Variants in CDH11 observed in about 807,000 individuals in gnomAD.
The protein encoded by CDH11 is cadherin 11.
A neutral mutation model predicts 67.8 loss-of-function variants in CDH11; 11 were observed. The ratio of observed to expected loss-of-function variants is 0.16; its 90% CI spans 0.10 to 0.27. The LOEUF (loss-of-function observed/expected upper bound fraction) is 0.27, where lower values mean the gene tolerates loss of function less well. Ranked by LOEUF, CDH11 falls within the 10% of genes least tolerant of loss-of-function variation. CDH11 has a pLI of 1.00. For synonymous variants in CDH11, 419 were observed against 400.0 expected (o/e 1.05, Z -0.57); for missense variants, 847 against 1,031.2 (o/e 0.82, Z 2.45).
chr16:65,013,289 A>G (rs761407831), intron 2 of CDH11, among the ~76,000 whole-genome samples: 14 of 152,288 alleles, frequency 9.2e-5, no homozygotes, highest in Non-Finnish European at 1.6e-4. Flanking sequence ...AGTATTAGGA[A>G]TCAGGACTTT....
intron 2 of CDH11, among the ~76,000 whole-genome samples, chr16:65,007,268 A>G (rs1409539482): frequency 1.3e-5 from 2 of 152,158 alleles, no homozygotes; most frequent in Non-Finnish European, 2.9e-5. Flanking sequence ...AAGCCTGGTG[A>G]CTGTCACTTT....
rs1343891261 is a variant in CDH11 at position 65,004,815 on chromosome 16, G to A, written c.55C>T (p.His19Tyr). Residue 19 changes from histidine (H) to tyrosine (Y), a missense_variant, in exon 3 of 13, where the codon CAC becomes TAC. This residue lies in a region of CDH11 where 235 missense variants were observed against 352.5 expected (regional missense o/e 0.67). Transcript: ENST00000268603. ...AALVCLGMLC[H>Y]SHAFAPERRG... ...CGCTCTGGGGCAAAGGCATGGCTGT[G>A]GCACAGCATGCCCAGGCACACCAGG... The A allele has an allele frequency of 6.3e-7, 1 of 1,588,988 alleles. No homozygotes were observed. Among genetic ancestry groups the A allele is most frequent in the African/African-American group, 1.3e-5 (1 of 74,284 alleles).
intron 2 of CDH11, among the ~76,000 whole-genome samples, chr16:65,044,547 A>C (rs561557584): frequency 6.6e-6 from 1 of 152,198 alleles, no homozygotes; most frequent in African/African-American, 2.4e-5. Flanking sequence ...GGCACTCTCT[A>C]TACAGAAGGA....
chr16:64,956,985 A>G (rs749710777), intron 11 of CDH11, among the ~76,000 whole-genome samples: 1 of 152,168 alleles, frequency 6.6e-6, no homozygotes. Flanking sequence ...AAATAAAAAT[A>G]AAAAAGGAAA....
At chr16:65,018,408 A>C (rs180779877) in intron 2 of CDH11, among the ~76,000 whole-genome samples, 26 of 152,300 alleles carry the variant, frequency 1.7e-4, no homozygotes, top group Middle Eastern at 3.4e-3. Context: ...TTGTCTGGTT[A>C]CAAAAAAATT....
chr16:64,946,591 G>T lies in CDH11; in HGVS notation c.*1012C>A. 9.7e-7 allele frequency: 1 copy of T among 1,033,174 alleles called. No individual in the cohort carries two copies. Among genetic ancestry groups the T allele is most frequent in the Non-Finnish European group, 1.2e-6 (1 of 858,778 alleles). 64.0% of individuals were successfully genotyped at this position (1,033,174 alleles called of 1,614,324 possible). A position where few individuals can be genotyped will look rare whatever the true frequency, so the allele number is the denominator to read the frequency against. On this transcript the variant is annotated 3_prime_UTR_variant, in exon 13 of 13. Coordinates refer to ENST00000268603, the MANE Select transcript of CDH11 (RefSeq NM_001797.4). ...AAGAATGTACAAAAAAGCTTTACATGATGTTACAGAATCTTGTCTGAAAAA... is the reference window on the plus strand; with the variant it reads ...AAGAATGTACAAAAAAGCTTTACATTATGTTACAGAATCTTGTCTGAAAAA...
upstream of CDH11, chr16:65,122,116 GCGGGCAGGCGGGTGCGGGGC>G: frequency 2.3e-5 from 12 of 526,186 alleles, no homozygotes; most frequent in East Asian, 3.8e-5. Context: ...GAGGTGGCGG[GCGGGCAGGCGGGTGCGGGGC>G]GGGGGGGGCG....
chr16:65,004,673 T>C lies in CDH11; in HGVS notation c.197A>G (p.Tyr66Cys). 6.2e-7 allele frequency: 1 copy of C among 1,613,670 alleles called. No homozygotes were observed. The highest frequency in any genetic ancestry group is 8.5e-7 in the Non-Finnish European group (1 of 1,179,970). The change falls in exon 3 of 13, where the codon TAC becomes TGC. Residue 66 changes from tyrosine to cysteine, a missense_variant. Coordinates refer to ENST00000268603, the MANE Select transcript of CDH11 (RefSeq NM_001797.4). Reference sequence around the variant, plus strand: ...CACAAGCACGGGGTCAGGCCCGGTGTACTCCTCTATCACGAAGAACTGGTT... The same window carrying C: ...CACAAGCACGGGGTCAGGCCCGGTGCACTCCTCTATCACGAAGAACTGGTT... ...VWNQFFVIEE[Y>C]TGPDPVLVGR...
intron 6 of CDH11, among the ~76,000 whole-genome samples, chr16:64,989,358 A>G (rs187518372): frequency 5.3e-4 from 80 of 152,214 alleles, no homozygotes; most frequent in Non-Finnish European, 9.1e-4. Context: ...AGTGTGATTG[A>G]ACACGCATGC....
chr16:65,086,638 C>G (rs2074703683), intron 1 of CDH11, among the ~76,000 whole-genome samples: 1 of 152,202 alleles, frequency 6.6e-6, no homozygotes, highest in Non-Finnish European at 1.5e-5. Context: ...GGTAGCTTCA[C>G]AGTCACCTGG....
intron 8 of CDH11, among the ~76,000 whole-genome samples, chr16:64,977,285 C>T (rs142955955): frequency 1.7e-4 from 26 of 152,212 alleles, no homozygotes; most frequent in Non-Finnish European, 2.5e-4. Flanking sequence ...TGGGAGTGGG[C>T]GGTTGGTTCA....
intron 2 of CDH11, among the ~76,000 whole-genome samples, chr16:65,008,260 T>A (rs568077306): frequency 6.6e-6 from 1 of 152,328 alleles, no homozygotes; most frequent in East Asian, 1.9e-4. Context: ...CAATAAACAA[T>A]AACATTCAAT....
At chr16:64,978,363 T>C (rs1233892317) in intron 8 of CDH11, among the ~76,000 whole-genome samples, 1 of 152,228 alleles carries the variant, frequency 6.6e-6, no homozygotes, top group African/African-American at 2.4e-5. Flanking sequence ...GTTTAGCTTG[T>C]GCAGAAATTA....
chr16:64,944,058 G>A lies in CDH11; in HGVS notation c.*3545C>T, dbSNP rs751299597. The A allele has an allele frequency of 2.1e-5, 5 of 232,614 alleles. No homozygotes were observed. The highest frequency in any genetic ancestry group is 4.2e-5 in the Non-Finnish European group (5 of 117,736). The allele number at this position is 232,614 out of a possible 1,614,324, so 14.4% of individuals were successfully genotyped here. On this transcript the variant is annotated 3_prime_UTR_variant, in exon 13 of 13. Transcript: ENST00000268603. The stretch of plus-strand genomic sequence containing the variant: ...GTGGCTGGAGCATCGTGCACTGAAA[G>A]GAGGATGGAGTGGAATGACACTGGA...
chr16:65,040,822 T>G (rs1183405173), intron 2 of CDH11, among the ~76,000 whole-genome samples: 1 of 152,212 alleles, frequency 6.6e-6, no homozygotes, highest in Non-Finnish European at 1.5e-5. Flanking sequence ...ATGTAATATG[T>G]TATATATTTA....
upstream of CDH11, chr16:65,122,129 T>TGGGG: frequency 1.8e-5 from 1 of 56,104 alleles, no homozygotes; most frequent in Non-Finnish European, 3.4e-5. Flanking sequence ...GGCAGGCGGG[T>TGGGG]GCGGGGCGGG....
chr16:65,029,973 G>A (rs2073610270), intron 2 of CDH11, among the ~76,000 whole-genome samples: 1 of 152,088 alleles, frequency 6.6e-6, no homozygotes, highest in African/African-American at 2.4e-5. Context: ...ACCAACTCTA[G>A]CAATGCTAAG....
At chr16:64,986,691 T>C (rs76792969) in intron 7 of CDH11, 77 of 152,316 alleles carry the variant, frequency 5.1e-4, no homozygotes, top group South Asian at 1.9e-3. Context: ...CTGTGGTTGA[T>C]AATTAGGCTT....
At chr16:65,108,945 G>A (rs894221978) in intron 1 of CDH11, among the ~76,000 whole-genome samples, 1 of 152,074 alleles carries the variant, frequency 6.6e-6, no homozygotes, top group Non-Finnish European at 1.5e-5. Flanking sequence ...TCAAGAGTTC[G>A]AGACCAGCCT....
Sources: gnomAD v4.1 joint callset for allele counts (sites outside exome capture counted in the v4.1 genomes callset) on GRCh38, gnomAD v4.1.1 for gene constraint, gnomAD v4.1.1 regional missense constraint, MANE v1.5 for transcripts, NCBI Gene and HGNC (gene_info 2026-07-23, HGNC 2026-07-21) for gene names.